The following PIGN variants were observed in gnomAD, a reference collection of about 807,000 sequenced individuals.
The protein encoded by PIGN is phosphatidylinositol glycan anchor biosynthesis class N.
PIGN carries 117 observed loss-of-function variants against 125.4 expected under a neutral mutation model. The observed-to-expected ratio is 0.93, with a 90% CI of 0.80 to 1.09. PIGN has a LOEUF of 1.09. Ranked by LOEUF, PIGN falls within the 50% of genes least tolerant of loss-of-function variation. The pLI, the probability that PIGN is intolerant of heterozygous loss-of-function variation, is 0.00. For missense variants in PIGN, 1,075 were observed against 1,094.9 expected (o/e 0.98, Z 0.26); for synonymous variants, 392 against 377.8 (o/e 1.04, Z -0.44).
At chr18:62,147,273 A>G (rs769937558) in intron 8 of PIGN, among the ~76,000 whole-genome samples, 172 bp from the exon 9 acceptor site, 4 of 152,048 alleles carry the variant, frequency 2.6e-5, no homozygotes, top group Non-Finnish European at 5.9e-5. Context: ...TTCTCCTTTT[A>G]ATGAAGCTAA....
intron 6 of PIGN, 42 bp downstream of exon 6, chr18:62,157,087 T>A (rs751565936): frequency 6.7e-6 from 6 of 901,336 alleles, no homozygotes; most frequent in African/African-American, 1.7e-5. Context: ...ATTGACTTAC[T>A]CCCTATTTAC....
chr18:62,023,529 C>A (rs552788505), intron 23 of PIGN, among the ~76,000 whole-genome samples: 25 of 152,306 alleles, frequency 1.6e-4, no homozygotes, highest in South Asian at 8.3e-4. Context: ...ACCTTCAGCA[C>A]GTTTTTGTGG....
chr18:62,067,337 T>C (rs1056853993), intron 30 of PIGN, among the ~76,000 whole-genome samples: 5 of 152,234 alleles, frequency 3.3e-5, no homozygotes, highest in African/African-American at 1.2e-4. Flanking sequence ...CTTTGAGGTA[T>C]AATTTACATG....
rs371520301 is a variant in PIGN at position 62,154,530 on chromosome 18, C to T, written c.549+15G>A. The T allele has an allele frequency of 1.7e-6, 2 of 1,205,988 alleles. No homozygotes were observed. The highest frequency in any genetic ancestry group is 2.5e-5 in the South Asian group (2 of 80,330). 74.7% of individuals were successfully genotyped at this position (1,205,988 alleles called of 1,614,324 possible). A position where few individuals can be genotyped will look rare whatever the true frequency, so the allele number is the denominator to read the frequency against. On this transcript the variant is annotated intron_variant, in intron 7 of 30. Coordinates refer to ENST00000640252, the MANE Select transcript of PIGN (RefSeq NM_176787.5). ...AAATATGCTTTTTGTATATTAACCA[C>T]TCAATAGCACAAACCTTAACATTAT...
At chr18:62,131,947 A>G (rs2035754409) in intron 14 of PIGN, among the ~76,000 whole-genome samples, 1 of 152,138 alleles carries the variant, frequency 6.6e-6, no homozygotes, top group Non-Finnish European at 1.5e-5. Context: ...TTCAGATGCC[A>G]ATGTCCTAGA....
intron 26 of PIGN, among the ~76,000 whole-genome samples, 194 bp from the exon 27 acceptor site, chr18:62,084,800 T>A (rs1003199488): frequency 2.6e-5 from 4 of 152,062 alleles, no homozygotes; most frequent in Admixed American, 2.0e-4. Context: ...CCAAAATATA[T>A]CATTCAGTAT....
chr18:62,159,011 G>C (rs2036842588), intron 4 of PIGN, among the ~76,000 whole-genome samples: 1 of 152,186 alleles, frequency 6.6e-6, no homozygotes, highest in Admixed American at 6.5e-5. Context: ...CAGCACTTTG[G>C]GAAGCTGAGG....
At chr18:62,059,692 T>G (rs2031998785) in intron 30 of PIGN, among the ~76,000 whole-genome samples, 1 of 152,184 alleles carries the variant, frequency 6.6e-6, no homozygotes, top group South Asian at 2.1e-4. Context: ...ATTTTCTGTG[T>G]GATGGAAATG....
intron 23 of PIGN, among the ~76,000 whole-genome samples, chr18:62,035,190 A>G (rs979193647): frequency 1.3e-5 from 2 of 152,160 alleles, no homozygotes; most frequent in Admixed American, 6.5e-5. Flanking sequence ...AGGCCTCCCC[A>G]GCCATGTGGA....
chr18:62,141,444 GT>G (rs2036131184), intron 11 of PIGN, among the ~76,000 whole-genome samples: 1 of 152,232 alleles, frequency 6.6e-6, no homozygotes, highest in African/African-American at 2.4e-5. Context: ...ACACAGCTGA[GT>G]TTCTTCTATC....
At chr18:62,167,273 T>C (rs979870098) in intron 1 of PIGN, among the ~76,000 whole-genome samples, 4 of 146,600 alleles carry the variant, frequency 2.7e-5, no homozygotes, top group African/African-American at 1.0e-4. Flanking sequence ...GATAGAGATA[T>C]ATAGAGATAT....
intron 17 of PIGN, among the ~76,000 whole-genome samples, 164 bp from the exon 18 acceptor site, chr18:62,107,249 A>T (rs956680896): frequency 6.6e-6 from 1 of 151,288 alleles, no homozygotes; most frequent in African/African-American, 2.4e-5. Context: ...TTATTTACCT[A>T]TTTTTTTTTA....
intron 28 of PIGN, among the ~76,000 whole-genome samples, chr18:62,078,652 C>T (rs939118487): frequency 6.6e-6 from 1 of 152,166 alleles, no homozygotes; most frequent in East Asian, 1.9e-4. Flanking sequence ...GGTTATCATT[C>T]CCTTGCTCTA....
rs1230386423 is a variant in PIGN at position 62,045,773 on chromosome 18, T to C, written c.*83A>G. The C allele has an allele frequency of 2.0e-5, 27 of 1,339,018 alleles. No individual in the cohort carries two copies. In the Admixed American group the frequency reaches 3.0e-4, roughly 15 times the overall value. The allele number at this position is 1,339,018 out of a possible 1,614,324, so 82.9% of individuals were successfully genotyped here. A position where few individuals can be genotyped will look rare whatever the true frequency, so the allele number is the denominator to read the frequency against. ...GAGTAGAATATACTATATATCCATA[T>C]CCATCTTCTTATTGAAGCCTTGATG... is the stretch of plus-strand genomic sequence containing the variant. On this transcript the variant is annotated 3_prime_UTR_variant, in exon 31 of 31. Coordinates refer to ENST00000640252, the MANE Select transcript of PIGN (RefSeq NM_176787.5).
intron 10 of PIGN, among the ~76,000 whole-genome samples, chr18:62,143,976 C>A (rs1234311066): frequency 6.6e-6 from 1 of 152,112 alleles, no homozygotes; most frequent in Non-Finnish European, 1.5e-5. Flanking sequence ...TTAGGATACA[C>A]TGCCAAAAGA....
intron 25 of PIGN, among the ~76,000 whole-genome samples, chr18:62,086,620 T>G (rs1017255859): frequency 2.8e-4 from 8 of 29,050 alleles, no homozygotes; most frequent in South Asian, 4.8e-4. Flanking sequence ...CGTTTTTTGT[T>G]TTTTTTTTTT....
intron 1 of PIGN, among the ~76,000 whole-genome samples, chr18:62,175,548 T>A (rs534728377): frequency 1.3e-5 from 2 of 152,170 alleles, no homozygotes; most frequent in Admixed American, 1.3e-4. Flanking sequence ...CCTGTGTTCT[T>A]CCACTACCTC....
chr18:62,149,619 G>A (rs2036459618), intron 7 of PIGN, among the ~76,000 whole-genome samples: 1 of 152,090 alleles, frequency 6.6e-6, no homozygotes, highest in South Asian at 2.1e-4. Context: ...AAAGCTATGT[G>A]GATCTAAGGC....
intron 23 of PIGN, among the ~76,000 whole-genome samples, chr18:62,025,200 C>T (rs1206592977): frequency 2.6e-5 from 4 of 152,274 alleles, no homozygotes; most frequent in East Asian, 1.9e-4. Flanking sequence ...TATGTATTTG[C>T]TACACCTGTA....
Sources: allele counts gnomAD v4.1 joint callset (sites outside exome capture counted in the v4.1 genomes callset), GRCh38; gene constraint gnomAD v4.1.1; transcripts MANE v1.5; gene names NCBI Gene and HGNC (gene_info 2026-07-23, HGNC 2026-07-21).